Variants in NBEA observed in about 807,000 individuals in gnomAD.
NBEA encodes neurobeachin.
NBEA carries 44 observed loss-of-function variants against 343.4 expected under a neutral mutation model. The observed-to-expected ratio is 0.13, with a 90% CI of 0.10 to 0.16. The LOEUF is 0.16. NBEA is among the 10% of genes least tolerant of loss of function. NBEA has a pLI of 1.00. For missense variants in NBEA, 2,555 were observed against 3,631.3 expected (o/e 0.70, Z 7.62); for synonymous variants, 1,175 against 1,238.7 (o/e 0.95, Z 1.08).
intron 46 of NBEA, among the ~76,000 whole-genome samples, chr13:35,586,353 T>G (rs1350062054): frequency 6.6e-6 from 1 of 152,232 alleles, no homozygotes; most frequent in Non-Finnish European, 1.5e-5. Context: ...AGAAAAATGT[T>G]GTCAGAATTA....
chr13:34,951,074 G>C (rs1228820949), intron 1 of NBEA, among the ~76,000 whole-genome samples: 1 of 152,118 alleles, frequency 6.6e-6, no homozygotes, highest in Admixed American at 6.6e-5. Flanking sequence ...CAGCTATTCC[G>C]AGTGACATTT....
In NBEA at chr13:35,346,700, T is replaced by C. The variant is rs139209829; in HGVS notation, c.5904-2408T>C. Among the ~76,000 whole-genome samples the C allele has an allele frequency of 5.6e-3, 847 of 152,262 alleles. 10 individuals carry two copies. The highest frequency in any genetic ancestry group is 0.019 in the African/African-American group (807 of 41,580). ...AGCTGCTCCATGCTTCTAGGAAATATCTGCAGCTATCCTGCTGCTATGCAA... is the reference window on the plus strand; with the variant it reads ...AGCTGCTCCATGCTTCTAGGAAATACCTGCAGCTATCCTGCTGCTATGCAA... On this transcript the variant is annotated intron_variant, in intron 36 of 58. Transcript: ENST00000379939.
At chr13:34,979,439 G>A (rs527692781) in intron 1 of NBEA, among the ~76,000 whole-genome samples, 3 of 152,036 alleles carry the variant, frequency 2.0e-5, no homozygotes, top group African/African-American at 7.2e-5. Flanking sequence ...AGAATCACTC[G>A]AACCTAGGAG....
chr13:35,115,815 A>G (rs1046361046), intron 13 of NBEA, among the ~76,000 whole-genome samples: 2 of 152,190 alleles, frequency 1.3e-5, no homozygotes, highest in Non-Finnish European at 2.9e-5. Context: ...ATTCCTTTAC[A>G]TATGTTGATC....
intron 48 of NBEA, among the ~76,000 whole-genome samples, chr13:35,627,053 T>TA (rs2083261488): frequency 1.3e-5 from 2 of 152,172 alleles, no homozygotes; most frequent in South Asian, 4.1e-4. Context: ...TTTATATACT[T>TA]AAAAAATGAA....
At chr13:35,444,103 G>C (rs781397988) in intron 39 of NBEA, among the ~76,000 whole-genome samples, 1 of 151,894 alleles carries the variant, frequency 6.6e-6, no homozygotes, top group Non-Finnish European at 1.5e-5. Context: ...ACTAAGGTAA[G>C]CATAAAATGT....
chr13:35,115,641 C>T (rs117263796), intron 13 of NBEA, among the ~76,000 whole-genome samples: 4,308 of 151,788 alleles, frequency 0.028, 93 homozygotes, highest in Non-Finnish European at 0.043. Flanking sequence ...TAGATAAATC[C>T]GTTTGTATTT....
chr13:35,599,663 G>A (rs929169059), intron 47 of NBEA, among the ~76,000 whole-genome samples: 6 of 152,216 alleles, frequency 3.9e-5, no homozygotes, highest in African/African-American at 1.4e-4. Flanking sequence ...GTCACGTTCT[G>A]TGTGTTGAAA....
intron 55 of NBEA, among the ~76,000 whole-genome samples, chr13:35,656,730 A>C (rs981824857): frequency 6.6e-6 from 1 of 152,198 alleles, no homozygotes; most frequent in East Asian, 1.9e-4. Context: ...ATAATATAGA[A>C]AGGTTTCTGT....
chr13:35,148,722 A>C (rs2068589670), intron 18 of NBEA, among the ~76,000 whole-genome samples: 1 of 152,186 alleles, frequency 6.6e-6, no homozygotes, highest in African/African-American at 2.4e-5. Flanking sequence ...ATTTATCACA[A>C]AATATTTATC....
intron 16 of NBEA, among the ~76,000 whole-genome samples, chr13:35,121,209 A>G (rs2066779077): frequency 6.6e-6 from 1 of 152,034 alleles, no homozygotes; most frequent in Non-Finnish European, 1.5e-5. Context: ...GGTTCAAGCA[A>G]TTCTCATGCC....
At chr13:35,320,394 TCTTTA>T (rs2038053449) in intron 36 of NBEA, among the ~76,000 whole-genome samples, 1 of 152,210 alleles carries the variant, frequency 6.6e-6, no homozygotes, top group African/African-American at 2.4e-5. Flanking sequence ...AGTTGAAAAT[TCTTTA>T]CTTTAAGAAT....
At chr13:35,522,056 C>T (rs985857058) in intron 41 of NBEA, among the ~76,000 whole-genome samples, 4 of 152,000 alleles carry the variant, frequency 2.6e-5, no homozygotes, top group Admixed American at 2.0e-4. Context: ...TACAGAGAGG[C>T]GAACCACTTC....
intron 44 of NBEA, among the ~76,000 whole-genome samples, chr13:35,558,439 A>G (rs1363659493): frequency 6.6e-6 from 1 of 152,236 alleles, no homozygotes; most frequent in Non-Finnish European, 1.5e-5. Flanking sequence ...AGAGTTCACT[A>G]GAAAGTAGGC....
chr13:35,070,481 C>T (rs1021694760), intron 9 of NBEA, among the ~76,000 whole-genome samples: 13 of 151,978 alleles, frequency 8.6e-5, no homozygotes, highest in South Asian at 8.3e-4. Context: ...TTTAAAATAA[C>T]GTTTGATTTT....
At chr13:35,270,002 A>T (rs2034001562) in intron 34 of NBEA, among the ~76,000 whole-genome samples, 1 of 152,212 alleles carries the variant, frequency 6.6e-6, no homozygotes, top group Non-Finnish European at 1.5e-5. Flanking sequence ...TTTACCATTC[A>T]GGATATTCTA....
intron 1 of NBEA, among the ~76,000 whole-genome samples, chr13:35,038,715 G>A (rs967770699): frequency 1.3e-5 from 2 of 151,890 alleles, no homozygotes; most frequent in Non-Finnish European, 2.9e-5. Context: ...CTATTCTTCT[G>A]TGGCAGAACT....
intron 17 of NBEA, among the ~76,000 whole-genome samples, chr13:35,124,720 A>G (rs1210323159): frequency 2.0e-5 from 3 of 151,792 alleles, no homozygotes; most frequent in East Asian, 3.9e-4. Flanking sequence ...GTATGGATAT[A>G]TATACACATA....
At chr13:34,994,040 A>C (rs1462633244) in intron 1 of NBEA, among the ~76,000 whole-genome samples, 1 of 151,728 alleles carries the variant, frequency 6.6e-6, no homozygotes, top group Non-Finnish European at 1.5e-5. Context: ...TCTACTAAAA[A>C]TACAAGAATT....
Sources: gnomAD v4.1 joint callset for allele counts (sites outside exome capture counted in the v4.1 genomes callset) on GRCh38, gnomAD v4.1.1 for gene constraint, MANE v1.5 for transcripts, NCBI Gene and HGNC (gene_info 2026-07-23, HGNC 2026-07-21) for gene names.